Variants in C12orf54 observed in about 807,000 individuals in gnomAD.
C12orf54 encodes chromosome 12 open reading frame 54.
A neutral mutation model predicts 26.4 loss-of-function variants in C12orf54; 24 were observed. That is an observed-to-expected ratio of 0.91 (90% CI 0.66 to 1.28). The LOEUF is 1.28. Among genes scored for constraint, C12orf54 ranks in the 50% most tolerant of loss-of-function variants. The pLI, the probability that C12orf54 is intolerant of heterozygous loss-of-function variation, is 0.00. For missense variants in C12orf54, 154 were observed against 150.9 expected (o/e 1.02, Z -0.11); for synonymous variants, 54 against 47.0 (o/e 1.15, Z -0.61).
At chr12:48,433,102 A>T in the C12orf54 span, among the ~76,000 whole-genome samples, 1 of 152,190 alleles carries the variant, frequency 6.6e-6, no homozygotes, top group Admixed American at 6.5e-5. Flanking sequence ...AACAAAAAAT[A>T]GATGGTATCT....
chr12:48,430,699 G>A, the C12orf54 span, among the ~76,000 whole-genome samples: 8 of 152,132 alleles, frequency 5.3e-5, no homozygotes, highest in African/African-American at 7.2e-5. Flanking sequence ...CACTGCTGGC[G>A]GGAATGTAAA....
the C12orf54 span, among the ~76,000 whole-genome samples, chr12:48,446,226 G>T: frequency 8.9e-4 from 135 of 152,112 alleles, no homozygotes; most frequent in African/African-American, 3.2e-3. Flanking sequence ...GACCTTTTTT[G>T]CATAAAGAGA....
At chr12:48,471,619 T>A in the C12orf54 span, among the ~76,000 whole-genome samples, 1 of 152,192 alleles carries the variant, frequency 6.6e-6, no homozygotes, top group Admixed American at 6.5e-5. Context: ...CCATTGCTTG[T>A]TTTTCTTGGT....
the C12orf54 span, among the ~76,000 whole-genome samples, chr12:48,437,937 C>T: frequency 6.6e-6 from 1 of 152,084 alleles, no homozygotes; most frequent in Non-Finnish European, 1.5e-5. Context: ...AAAGGGCATT[C>T]AGTTAGGAAA....
At chr12:48,434,976 A>G in the C12orf54 span, among the ~76,000 whole-genome samples, 5 of 152,200 alleles carry the variant, frequency 3.3e-5, no homozygotes, top group Non-Finnish European at 7.3e-5. Context: ...CTAAAAGAGG[A>G]AGTTTGAACC....
chr12:48,486,849 ACACGCTCCCT>A lies in C12orf54; in HGVS notation c.135+125_135+134del, dbSNP rs891345431. On this transcript the variant is annotated intron_variant, in intron 4 of 8. Transcript: ENST00000548364. ...TTTGTTGATTGACGGTGAAGGATCA[ACACGCTCCCT>A]CCCACCTTGTTCTGTTGCTCGTGCA... 21 of 929,506 alleles carry A rather than the reference ACACGCTCCCT, an allele frequency of 2.3e-5. No individual in the cohort carries two copies. The African/African-American group carries it at 3.5e-4, about 15-fold the overall frequency. The allele number at this position is 929,506 out of a possible 1,614,324, so 57.6% of individuals were successfully genotyped here.
chr12:48,483,220 A>G lies in C12orf54; in HGVS notation c.-57-20A>G, dbSNP rs1177447831. On this transcript the variant is annotated intron_variant, in intron 1 of 8. Transcript: ENST00000548364. ...CACCATGTACCTGCCTTCTCCGCAT[A>G]TTCATTTATGCCTCTCCAGGGCCTG... 1.5e-5 allele frequency: 20 copies of G among 1,322,534 alleles called. No homozygotes were observed. Among genetic ancestry groups the G allele is most frequent in the Non-Finnish European group, 2.1e-5 (19 of 924,334 alleles). The allele number at this position is 1,322,534 out of a possible 1,614,324, so 81.9% of individuals were successfully genotyped here.
the C12orf54 span, chr12:48,472,609 G>A: frequency 4.4e-6 from 7 of 1,604,210 alleles, no homozygotes; most frequent in Non-Finnish European, 6.0e-6. Flanking sequence ...TGTGGGTTCG[G>A]GGTTTATTGG....
At chr12:48,432,883 A>G in the C12orf54 span, among the ~76,000 whole-genome samples, 2 of 151,702 alleles carry the variant, frequency 1.3e-5, no homozygotes, top group East Asian at 1.9e-4. Context: ...AAAAAAAAAA[A>G]GCATATAAAA....
At chr12:48,464,863 C>T in the C12orf54 span, among the ~76,000 whole-genome samples, 1 of 152,146 alleles carries the variant, frequency 6.6e-6, no homozygotes, top group South Asian at 2.1e-4. Flanking sequence ...ACTGGCTAGT[C>T]ATATGCAGAA....
At chr12:48,445,688 T>C in the C12orf54 span, among the ~76,000 whole-genome samples, 70 of 152,320 alleles carry the variant, frequency 4.6e-4, no homozygotes, top group African/African-American at 1.7e-3. Context: ...GTTGTGCCAT[T>C]TGTACAACGG....
the C12orf54 span, among the ~76,000 whole-genome samples, chr12:48,454,568 G>T: frequency 6.6e-6 from 1 of 152,158 alleles, no homozygotes; most frequent in Non-Finnish European, 1.5e-5. Flanking sequence ...CCTGTGGCCT[G>T]CTTTCTGTCC....
the C12orf54 span, among the ~76,000 whole-genome samples, chr12:48,461,497 G>T: frequency 2.3e-3 from 347 of 151,838 alleles, 3 homozygotes; most frequent in African/African-American, 7.4e-3. Context: ...TATAAACCAT[G>T]TCTCAATAAA....
rs75794431 is a variant in C12orf54, at chr12:48,485,119, G to A, written c.66-1059G>A. Among the ~76,000 whole-genome samples, 95 of 151,856 alleles carry A rather than the reference G, an allele frequency of 6.3e-4. No individual in the cohort carries two copies. In the East Asian group the frequency reaches 0.017, roughly 27 times the overall value. ...TAGCGACAGGGCTTGCTCTGTTGCC[G>A]AGGCTAGAGTGCAGTATCACAATCA... On this transcript the variant is annotated intron_variant, in intron 2 of 8. Transcript: ENST00000548364.
At chr12:48,462,368 G>A in the C12orf54 span, among the ~76,000 whole-genome samples, 2 of 151,432 alleles carry the variant, frequency 1.3e-5, no homozygotes, top group East Asian at 3.8e-4. Flanking sequence ...TTAGGAGGAA[G>A]GAATACTTCT....
chr12:48,437,812 A>G, the C12orf54 span, among the ~76,000 whole-genome samples: 1,044 of 152,232 alleles, frequency 6.9e-3, 15 homozygotes, highest in African/African-American at 0.024. Context: ...AATGGACAAA[A>G]ACTGGAAGCA....
chr12:48,415,751 A>G, the C12orf54 span, among the ~76,000 whole-genome samples: 2,185 of 152,134 alleles, frequency 0.014, 53 homozygotes, highest in African/African-American at 0.049. Flanking sequence ...TACACCCCAT[A>G]TATTAGCCCT....
the C12orf54 span, among the ~76,000 whole-genome samples, chr12:48,449,962 T>A: frequency 6.6e-6 from 1 of 152,204 alleles, no homozygotes; most frequent in Admixed American, 6.5e-5. Context: ...CTGCCTTTGC[T>A]TCTTCCTCAT....
the C12orf54 span, among the ~76,000 whole-genome samples, chr12:48,462,217 G>T: frequency 1.3e-5 from 2 of 151,472 alleles, no homozygotes; most frequent in African/African-American, 4.8e-5. Context: ...AACTTGAATA[G>T]CCCTATTAAA....
Sources: gnomAD v4.1 joint callset for allele counts (sites outside exome capture counted in the v4.1 genomes callset) on GRCh38, gnomAD v4.1.1 for gene constraint, MANE v1.5 for transcripts, NCBI Gene and HGNC (gene_info 2026-07-23, HGNC 2026-07-21) for gene names.